Variants in PCDHGA5 observed in about 807,000 individuals in gnomAD.
The protein encoded by PCDHGA5 is protocadherin gamma-A5.
PCDHGA5 carries 36 observed loss-of-function variants against 56.7 expected under a neutral mutation model. That is an observed-to-expected ratio of 0.64 (90% confidence interval 0.49 to 0.84). The LOEUF (loss-of-function observed/expected upper bound fraction) is 0.84. Among genes scored for constraint, PCDHGA5 ranks in the 40% least tolerant of loss-of-function variants. The pLI, the probability that PCDHGA5 is intolerant of heterozygous loss-of-function variation, is 0.00. For synonymous variants in PCDHGA5, 563 were observed against 520.2 expected, an observed-to-expected ratio of 1.08 and a Z score of -1.12; for missense variants, 1,305 against 1,201.5, an observed-to-expected ratio of 1.09 and a Z score of -1.27.
chr5:141,410,779 T>C, intron 1 of PCDHGA5: 4 of 947,572 alleles, frequency 4.2e-6, no homozygotes, highest in Non-Finnish European at 6.0e-6. Flanking sequence ...TTTCACTATG[T>C]ATTTGGTTCA....
At chr5:141,401,478 T>A (rs2094159554) in intron 1 of PCDHGA5, among the ~76,000 whole-genome samples, 1 of 152,186 alleles carries the variant, frequency 6.6e-6, no homozygotes. Flanking sequence ...TTTATCCAGG[T>A]TTTCTTGGAT....
At chr5:141,392,991 G>A in intron 1 of PCDHGA5, 1 of 1,613,904 alleles carries the variant, frequency 6.2e-7, no homozygotes, top group Middle Eastern at 1.7e-4. Flanking sequence ...CCGGAAGCTG[G>A]CGAAGCACGG....
intron 1 of PCDHGA5, chr5:141,394,156 AC>A (rs2092929687): frequency 6.2e-7 from 1 of 1,613,556 alleles, no homozygotes; most frequent in Admixed American, 1.7e-5. Flanking sequence ...ATTAACGACA[AC>A]CCTCCTACTT....
intron 1 of PCDHGA5, chr5:141,408,089 G>C: frequency 7.0e-7 from 1 of 1,424,386 alleles, no homozygotes; most frequent in Non-Finnish European, 9.2e-7. Flanking sequence ...ACAGCGGATT[G>C]CCAGCTCCGA....
chr5:141,390,486 G>GT (rs2092161053), intron 1 of PCDHGA5: 4 of 649,376 alleles, frequency 6.2e-6, no homozygotes, highest in Non-Finnish European at 7.7e-6. Flanking sequence ...ACATTTGTTT[G>GT]TTTTTTAGCC....
At chr5:141,388,622 A>G (rs754411917) in intron 1 of PCDHGA5, 3 of 1,613,952 alleles carry the variant, frequency 1.9e-6, no homozygotes, top group South Asian at 1.1e-5. Flanking sequence ...GTCAAGACGT[A>G]TACAGGGTGA....
intron 1 of PCDHGA5, among the ~76,000 whole-genome samples, chr5:141,454,607 T>C (rs1207742002): frequency 6.6e-6 from 1 of 151,574 alleles, no homozygotes; most frequent in Non-Finnish European, 1.5e-5. Flanking sequence ...GGTTTCTCCA[T>C]GTTGGTCAGG....
chr5:141,418,572 AC>A lies in PCDHGA5; in HGVS notation c.2421+51827del, dbSNP rs752316020. 8.1e-6 allele frequency: 13 copies of A among 1,613,794 alleles called. 1 individual carries two copies. The Admixed American group carries it at 1.8e-4, about 23-fold the overall frequency. ...ATCCTGGTAATAGATGCCAATGACA[AC>A]CCCCCAGTGTTCAGCCAGGACGTGT... On this transcript the variant is annotated intron_variant, in intron 1 of 3. Transcript: ENST00000518069.
chr5:141,389,182 G>T, intron 1 of PCDHGA5: 1 of 1,614,032 alleles, frequency 6.2e-7, no homozygotes, highest in Non-Finnish European at 8.5e-7. Flanking sequence ...CTCTCCTCCA[G>T]TTCCAGCATC....
In PCDHGA5 at chr5:141,476,691, A is replaced by G; in HGVS notation, c.2422-18116A>G. 6.2e-7 allele frequency: 1 copy of G among 1,614,224 alleles called. No individual in the cohort carries two copies. Among genetic ancestry groups the G allele is most frequent in the Non-Finnish European group, 8.5e-7 (1 of 1,180,050 alleles). The stretch of plus-strand genomic sequence containing the variant: ...GTGCAGACGCGGGAGGACAGCACCA[A>G]GTACGCGGAGCTGGTGTTGGAGCGC... On this transcript the variant is annotated intron_variant, in intron 1 of 3. Transcript: ENST00000518069. This position sits in a 1 kb window ranked among gnomAD's most constrained non-coding sequence, Gnocchi z 7.6.
In PCDHGA5 at chr5:141,487,087, C is replaced by G. The variant is rs752261507; in HGVS notation, c.2422-7720C>G. 1.2e-6 allele frequency: 2 copies of G among 1,613,890 alleles called. No homozygotes were observed. Among genetic ancestry groups the G allele is most frequent in the Non-Finnish European group, 1.7e-6 (2 of 1,179,804 alleles). ...CGGCTGTTCCTATCCCAGCTGACCT[C>G]CCACCACAGAAGCTGGTCATTGTGG... On this transcript the variant is annotated intron_variant, in intron 1 of 3. Transcript: ENST00000518069. The surrounding 1 kb of genome is among the most constrained non-coding windows in gnomAD (Gnocchi z 5.0).
At chr5:141,420,483 T>C in intron 1 of PCDHGA5, 2 of 581,364 alleles carry the variant, frequency 3.4e-6, no homozygotes, top group Non-Finnish European at 5.2e-6. Context: ...GCAAACTACA[T>C]GGGTAATCTC....
chr5:141,496,152 C>T (rs771462960), intron 2 of PCDHGA5, among the ~76,000 whole-genome samples: 2 of 152,080 alleles, frequency 1.3e-5, no homozygotes, highest in Non-Finnish European at 1.5e-5. Flanking sequence ...GATCGCAGCT[C>T]TCCACCAGAC....
chr5:141,422,205 A>G (rs758255761), intron 1 of PCDHGA5: 2 of 1,562,218 alleles, frequency 1.3e-6, no homozygotes, highest in Non-Finnish European at 1.7e-6. Flanking sequence ...AAGATGGTGG[A>G]GGTCTCTTTA....
At chr5:141,374,919 A>G in intron 1 of PCDHGA5, 2 of 1,613,932 alleles carry the variant, frequency 1.2e-6, no homozygotes, top group Non-Finnish European at 1.7e-6. Flanking sequence ...GAAGTAACTT[A>G]TTCCTTTGTG....
At position 141,408,935 on chromosome 5, in the gene PCDHGA5, G is replaced by A. The variant is rs773802276; in HGVS notation, c.2421+42184G>A. 6.8e-6 allele frequency: 11 copies of A among 1,613,590 alleles called. No homozygotes were observed. Among genetic ancestry groups the A allele is most frequent in the Non-Finnish European group, 9.3e-6 (11 of 1,179,752 alleles). ...TGATAACCCCCCGGTTTTCAGCAGAGACGAATATAGAATTAGTCTTAGTGA... is the reference window on the plus strand; with the variant it reads ...TGATAACCCCCCGGTTTTCAGCAGAAACGAATATAGAATTAGTCTTAGTGA... On this transcript the variant is annotated intron_variant, in intron 1 of 3. Coordinates refer to ENST00000518069, the MANE Select transcript of PCDHGA5 (RefSeq NM_018918.3).
chr5:141,373,122 C>T (rs1449230885), intron 1 of PCDHGA5, among the ~76,000 whole-genome samples: 5 of 152,156 alleles, frequency 3.3e-5, no homozygotes, highest in African/African-American at 1.2e-4. Flanking sequence ...CAGAATTAGA[C>T]CCAAATCCTC....
At chr5:141,422,181 G>A in intron 1 of PCDHGA5, 3 of 1,561,316 alleles carry the variant, frequency 1.9e-6, no homozygotes, top group Non-Finnish European at 2.6e-6. Flanking sequence ...TCTATGAGAT[G>A]GAAATTCAAG....
chr5:141,410,579 G>A (rs760249748), intron 1 of PCDHGA5: 17 of 1,610,792 alleles, frequency 1.1e-5, no homozygotes, highest in Non-Finnish European at 1.4e-5. Context: ...TCCACCTCAT[G>A]GTGGGGAGGA....
Sources: allele counts gnomAD v4.1 joint callset (sites outside exome capture counted in the v4.1 genomes callset), GRCh38; gene constraint gnomAD v4.1.1; non-coding constraint Gnocchi (gnomAD v3.1); transcripts MANE v1.5; gene names NCBI Gene and HGNC (gene_info 2026-07-23, HGNC 2026-07-21).